Variants in NR2F1-AS1 observed in about 807,000 individuals in gnomAD.
NR2F1-AS1 encodes NR2F1 regulatory antisense RNA 1, also known as NR2F1 antisense RNA 1.
chr5:93,511,635 A>G (rs1345953497), intron 4 of NR2F1-AS1, among the ~76,000 whole-genome samples: 2 of 152,156 alleles, frequency 1.3e-5, no homozygotes, highest in Non-Finnish European at 2.9e-5. Flanking sequence ...GGGGTCCCCA[A>G]ATCCCAAGCC....
At chr5:93,447,119 A>T (rs1292150526) in intron 4 of NR2F1-AS1, among the ~76,000 whole-genome samples, 1 of 151,932 alleles carries the variant, frequency 6.6e-6, no homozygotes, top group Non-Finnish European at 1.5e-5. Flanking sequence ...AACCTAGGCA[A>T]TACCATTCAG....
chr5:93,509,297 A>G (rs1343837147), intron 4 of NR2F1-AS1, among the ~76,000 whole-genome samples: 1 of 152,136 alleles, frequency 6.6e-6, no homozygotes, highest in African/African-American at 2.4e-5. Context: ...AACTCTCTGC[A>G]ATAATGAAAA....
At chr5:93,455,883 A>G (rs574295895) in intron 4 of NR2F1-AS1, among the ~76,000 whole-genome samples, 32 of 152,178 alleles carry the variant, frequency 2.1e-4, no homozygotes, top group Non-Finnish European at 4.3e-4. Context: ...AGATGCAGAG[A>G]AAGCATCTGA....
At chr5:93,440,306 ACT>A (rs1305777272) in intron 4 of NR2F1-AS1, among the ~76,000 whole-genome samples, 3 of 152,130 alleles carry the variant, frequency 2.0e-5, no homozygotes, top group Non-Finnish European at 4.4e-5. Context: ...AAACATTGTT[ACT>A]GGGTATGTCT....
At chr5:93,542,518 T>C (rs2149906666) in intron 4 of NR2F1-AS1, 1 of 152,240 alleles carries the variant, frequency 6.6e-6, no homozygotes, top group South Asian at 2.1e-4. Context: ...AAATGTCCCC[T>C]AGGGGAAAAA....
chr5:93,409,985 C>A (rs1678864446), intron 4 of NR2F1-AS1: 1 of 152,182 alleles, frequency 6.6e-6, no homozygotes, highest in Admixed American at 6.5e-5. Flanking sequence ...CAGATGGACA[C>A]TCCTCAAGAC....
chr5:93,476,917 T>C (rs1474290524), intron 4 of NR2F1-AS1, among the ~76,000 whole-genome samples: 1 of 152,190 alleles, frequency 6.6e-6, no homozygotes, highest in Non-Finnish European at 1.5e-5. Flanking sequence ...CTTTTTACTA[T>C]AGGCCTTAGA....
chr5:93,585,071 C>CG, upstream of NR2F1-AS1: 1 of 1,030,554 alleles, frequency 9.7e-7, no homozygotes, highest in South Asian at 4.0e-5. Flanking sequence ...ACGACGTGGC[C>CG]GGGGGCAACC....
chr5:93,539,004 C>T (rs954931940), intron 4 of NR2F1-AS1, among the ~76,000 whole-genome samples: 2 of 152,104 alleles, frequency 1.3e-5, no homozygotes, highest in Admixed American at 6.5e-5. Flanking sequence ...CTGGGCCAGG[C>T]GTAGTGGTTC....
chr5:93,459,980 AT>A (rs34364730), intron 4 of NR2F1-AS1, among the ~76,000 whole-genome samples: 1 of 152,142 alleles, frequency 6.6e-6, no homozygotes, highest in African/African-American at 2.4e-5. Context: ...GAAAATTCAA[AT>A]TTTTATGTGA....
At chr5:93,472,848 T>C (rs1750398053) in intron 4 of NR2F1-AS1, among the ~76,000 whole-genome samples, 2 of 151,978 alleles carry the variant, frequency 1.3e-5, no homozygotes, top group African/African-American at 2.4e-5. Context: ...TCCAGTGATA[T>C]CTAAAAATTT....
chr5:93,502,442 A>G (rs1751100975), intron 4 of NR2F1-AS1, among the ~76,000 whole-genome samples: 1 of 152,228 alleles, frequency 6.6e-6, no homozygotes, highest in Admixed American at 6.5e-5. Flanking sequence ...TGCAGACAGC[A>G]TAACAACTTA....
chr5:93,584,080 G>C (rs1284204545), upstream of NR2F1-AS1: 1 of 151,350 alleles, frequency 6.6e-6, no homozygotes, highest in Non-Finnish European at 1.5e-5. Flanking sequence ...CCTGATCGCC[G>C]GCGGCAGCCT....
At chr5:93,437,844 C>T (rs1354554827) in intron 4 of NR2F1-AS1, among the ~76,000 whole-genome samples, 3 of 152,054 alleles carry the variant, frequency 2.0e-5, no homozygotes, top group Non-Finnish European at 4.4e-5. Context: ...ACCAAATATT[C>T]CTTCAAAACA....
rs146203897 is a variant in NR2F1-AS1 at position 93,423,685 on chromosome 5, T to C, written n.639-28143A>G. ...ACTTTAACACCGACGGCTTATGGAG[T>C]GTTTCAAATACAAAACAGTTCTACA... On this transcript the variant is annotated intron_variant and non_coding_transcript_variant, in intron 4 of 5. Transcript: ENST00000660523. 2.4e-3 allele frequency among the ~76,000 whole-genome samples: 369 copies of C among 152,278 alleles called. 2 individuals are homozygous for C. Among genetic ancestry groups the C allele is most frequent in the African/African-American group, 8.4e-3 (348 of 41,538 alleles).
At chr5:93,535,178 G>T (rs570174816) in intron 4 of NR2F1-AS1, among the ~76,000 whole-genome samples, 3 of 151,588 alleles carry the variant, frequency 2.0e-5, no homozygotes, top group Non-Finnish European at 4.4e-5. Context: ...AGGAATAAAG[G>T]TCGTACCTTT....
intron 4 of NR2F1-AS1, among the ~76,000 whole-genome samples, chr5:93,428,220 A>C (rs1346669179): frequency 6.6e-6 from 1 of 152,208 alleles, no homozygotes; most frequent in Non-Finnish European, 1.5e-5. Flanking sequence ...TGCTCTTACA[A>C]TTGTATTGTG....
At chr5:93,559,031 T>C (rs1452023894) in intron 2 of NR2F1-AS1, among the ~76,000 whole-genome samples, 3 of 152,232 alleles carry the variant, frequency 2.0e-5, no homozygotes, top group African/African-American at 7.2e-5. Context: ...GTCTGTCCTT[T>C]GAGGCTTTGA....
intron 4 of NR2F1-AS1, among the ~76,000 whole-genome samples, chr5:93,528,851 G>C (rs1487277243): frequency 1.4e-5 from 2 of 147,170 alleles, no homozygotes; most frequent in African/African-American, 5.0e-5. Flanking sequence ...TGAACAATGA[G>C]AACACATGGA....
Sources: gnomAD v4.1 joint callset for allele counts (sites outside exome capture counted in the v4.1 genomes callset) on GRCh38, gnomAD v4.1.1 for gene constraint, MANE v1.5 for transcripts, NCBI Gene and HGNC (gene_info 2026-07-23, HGNC 2026-07-21) for gene names.